Variants in BPIFB6 observed in about 807,000 individuals in gnomAD.
BPIFB6 encodes the protein BPI fold-containing family B member 6.
BPIFB6 carries 47 observed loss-of-function variants against 54.7 expected under a neutral mutation model. That is an observed-to-expected ratio of 0.86 (90% confidence interval 0.68 to 1.10). The LOEUF (loss-of-function observed/expected upper bound fraction) is 1.10. BPIFB6 is among the 50% of genes least tolerant of loss of function. The pLI is 0.00. For missense variants in BPIFB6, 603 were observed against 564.1 expected (o/e 1.07, Z -0.70); for synonymous variants, 255 against 225.9 (o/e 1.13, Z -1.16).
At position 33,042,850 on chromosome 20, in the gene BPIFB6, C is replaced by A; in HGVS notation, c.1224C>A (p.Leu408=). The A allele has an allele frequency of 1.2e-6, 2 of 1,614,174 alleles. No homozygotes were observed. ...TAACTGGCTTCATCACCAGCTATCT[C>A]GAAGAAGCCTACATCCCAGTTGTCA... ...RELTGFITSY[L]EEAYIPVVND... The change falls in exon 13 of 15, where the codon CTC becomes CTA. Residue 408 remains leucine (L), a synonymous_variant. Transcript: ENST00000349552.
chr20:33,037,460 CTT>C lies in BPIFB6; in HGVS notation c.670-100_670-99del, dbSNP rs1979390272. The stretch of plus-strand genomic sequence containing the variant: ...TTAATAAGATTTAATGATTTGCTGA[CTT>C]TGGGTTTGGCTGGAGCCCCATTTGC... On this transcript the variant is annotated intron_variant, in intron 7 of 14. Transcript: ENST00000349552. 4.3e-6 allele frequency: 5 copies of C among 1,176,254 alleles called. No individual in the cohort carries two copies. In the Admixed American group the frequency reaches 7.2e-5, roughly 17 times the overall value. The allele number at this position is 1,176,254 out of a possible 1,614,324, so 72.9% of individuals were successfully genotyped here.
In BPIFB6 at chr20:33,031,693, A is replaced by G. The variant is rs754236988; in HGVS notation, c.46A>G (p.Thr16Ala). The G allele has an allele frequency of 3.7e-6, 6 of 1,614,102 alleles. No individual in the cohort carries two copies. Among genetic ancestry groups the G allele is most frequent in the Non-Finnish European group, 5.1e-6 (6 of 1,180,008 alleles). Residue 16 changes from threonine (T) to alanine (A), a missense_variant, in exon 1 of 15, where the codon ACG becomes GCG. Thr to Ala is a moderately conservative substitution (Grantham distance 58, BLOSUM62 0). Transcript: ENST00000349552. ...GGCACTCTGCAGCCTGCTGACTGGC[A>G]CGCGAGCTGACCCTGGGGCACTGCT... ...CLALCSLLTG[T>A]RADPGALLRL... is the part of the protein sequence containing the mutation.
intron 6 of BPIFB6, 59 bp downstream of exon 6, chr20:33,035,731 T>C (rs1033775944): frequency 3.3e-5 from 50 of 1,533,184 alleles, no homozygotes; most frequent in Non-Finnish European, 4.5e-5. Context: ...TAGATAGACT[T>C]TGATGTCCCA....
chr20:33,042,668 G>C (rs984037833), intron 12 of BPIFB6, 147 bp from the exon 13 acceptor site: 1 of 694,412 alleles, frequency 1.4e-6, no homozygotes, highest in Non-Finnish European at 2.4e-6. Flanking sequence ...CCAAGGCCAG[G>C]CCCAGTTTTG....
Position 33,032,995 on chromosome 20 carries a change from G to GATGA in BPIFB6, c.109_110insATGA (p.Ala37AspfsTer5). ...TGTCTCCACTCCAGAGGTCCAGAGC[G>GATGA]CCATGGATGAGAGTCATATCCTGGA... On this transcript the variant is annotated frameshift_variant, in exon 2 of 15. Transcript: ENST00000349552. LOFTEE classifies it high-confidence loss of function. The GATGA allele has an allele frequency of 1.9e-6, 3 of 1,613,742 alleles. No homozygotes were observed. In the South Asian group the frequency reaches 3.3e-5, roughly 18 times the overall value.
At chr20:33,039,637 T>C in intron 10 of BPIFB6, 117 bp downstream of exon 10, 1 of 1,145,908 alleles carries the variant, frequency 8.7e-7, no homozygotes, top group Non-Finnish European at 1.2e-6. Flanking sequence ...TTAATCTTGA[T>C]TATGTCTGAT....
At chr20:33,035,274 G>A in intron 5 of BPIFB6, 130 bp downstream of exon 5, 1 of 964,798 alleles carries the variant, frequency 1.0e-6, no homozygotes, top group Non-Finnish European at 1.6e-6. Context: ...TGAGACTGTG[G>A]CTGGCTCAGT....
At position 33,034,722 on chromosome 20, in the gene BPIFB6, TGG is replaced by T. The variant is rs767205267; in HGVS notation, c.303-40_303-39del. ...GAGAAGGCAGGGAGAGCGGACACCA[TGG>T]CAGAGATGCCCATGGTGCCCTCCTG... is the stretch of plus-strand genomic sequence containing the variant. On this transcript the variant is annotated intron_variant, in intron 3 of 14. Transcript: ENST00000349552. The T allele has an allele frequency of 1.9e-6, 3 of 1,568,340 alleles. No homozygotes were observed. In the African/African-American group the frequency reaches 4.1e-5, roughly 21 times the overall value.
At chr20:33,033,774 G>T (rs1003115236) in intron 2 of BPIFB6, among the ~76,000 whole-genome samples, 3 of 152,188 alleles carry the variant, frequency 2.0e-5, no homozygotes, top group African/African-American at 7.2e-5. Context: ...CTGGGCTGAG[G>T]TCGGAGATGC....
Position 33,041,973 on chromosome 20 carries a change from A to T in BPIFB6, c.1146A>T (p.Leu382Phe). ...QLQMATSLDR[L>F]LSLSRKSSSI... Reference sequence around the variant, plus strand: ...TTGCTTCCCCACTCCCCCACAGATTACTGAGCTTGTCCCGGAAGTCCTCAT... The same window carrying T: ...TTGCTTCCCCACTCCCCCACAGATTTCTGAGCTTGTCCCGGAAGTCCTCAT... The change falls in exon 12 of 15, where the codon TTA (leucine) becomes TTT (phenylalanine). Residue 382 changes from leucine (L) to phenylalanine (F), a missense_variant. Leu to Phe is a conservative substitution (Grantham distance 22). Coordinates refer to ENST00000349552, the MANE Select transcript of BPIFB6 (RefSeq NM_174897.2). The T allele has an allele frequency of 6.2e-7, 1 of 1,613,910 alleles. No homozygotes were observed. Among genetic ancestry groups the T allele is most frequent in the Non-Finnish European group, 8.5e-7 (1 of 1,179,962 alleles).
chr20:33,040,898 G>T (rs1033868395), intron 11 of BPIFB6, among the ~76,000 whole-genome samples: 2 of 151,616 alleles, frequency 1.3e-5, no homozygotes, highest in Admixed American at 1.3e-4. Flanking sequence ...GATTCTTTCC[G>T]TTGCAAGAGA....
intron 11 of BPIFB6, among the ~76,000 whole-genome samples, chr20:33,040,867 C>T (rs1159013692): frequency 1.3e-5 from 2 of 152,142 alleles, no homozygotes; most frequent in African/African-American, 4.8e-5. Flanking sequence ...TAATGAATCA[C>T]ATCAGGATTA....
intron 7 of BPIFB6, among the ~76,000 whole-genome samples, chr20:33,036,888 C>T (rs557264894): frequency 3.7e-4 from 56 of 152,302 alleles, no homozygotes; most frequent in South Asian, 2.1e-4. Context: ...GGCCACACAG[C>T]AAGACAGCAC....
rs778065117 is a variant in BPIFB6 at position 33,035,035 on chromosome 20, C to CTT, written c.453-46_453-45insTT. ...TTCATGTCCTGTGCCTAAATTCCTG[C>CTT]ACTGGTGCACCTGCCCACCTATCCT... is the stretch of plus-strand genomic sequence containing the variant. On this transcript the variant is annotated intron_variant, in intron 4 of 14. Coordinates refer to ENST00000349552, the MANE Select transcript of BPIFB6 (RefSeq NM_174897.2). 80 of 1,610,846 alleles carry CTT rather than the reference C, an allele frequency of 5.0e-5. 1 individual carries two copies. In the African/African-American group the frequency reaches 1.0e-3, roughly 21 times the overall value.
chr20:33,032,813 T>A (rs8113852), intron 1 of BPIFB6, among the ~76,000 whole-genome samples, 171 bp from the exon 2 acceptor site: 3,215 of 152,276 alleles, frequency 0.021, 108 homozygotes, highest in African/African-American at 0.074. Flanking sequence ...AGCTTGTTAC[T>A]GTCATTGCTG....
chr20:33,033,354 T>A, intron 2 of BPIFB6: 1 of 550,910 alleles, frequency 1.8e-6, no homozygotes, highest in Non-Finnish European at 3.5e-6. Context: ...AAATTTCAAC[T>A]CTGCATGCAA....
In BPIFB6 at chr20:33,033,081, CAAGT is replaced by C. The variant is rs775428708; in HGVS notation, c.196_197+2del. The stretch of plus-strand genomic sequence containing the variant: ...GGATGAAACCTATCAAGGGCATCAC[CAAGT>C]GAGTAGGGGAGGGGAGCTGGAGGGT... On this transcript the variant is annotated splice_donor_variant and coding_sequence_variant, in exon 2 of 15. Transcript: ENST00000349552. LOFTEE classifies it high-confidence loss of function. 1.9e-6 allele frequency: 3 copies of C among 1,611,928 alleles called. 1 individual carries two copies. The highest frequency in any genetic ancestry group is 2.2e-5 in the South Asian group (2 of 91,036).
In BPIFB6 at chr20:33,042,098, C is replaced by G. The variant is rs968386560; in HGVS notation, c.1188+83C>G. ...CCCTCGGAACTACAGGGCCGAGGCC[C>G]TGAAATGGAGGCAGATGAACAGAGC... On this transcript the variant is annotated intron_variant, in intron 12 of 14. Transcript: ENST00000349552. 3.4e-5 allele frequency: 49 copies of G among 1,426,136 alleles called. 1 individual carries two copies. The Middle Eastern group carries it at 5.2e-4, about 15-fold the overall frequency. The allele number at this position is 1,426,136 out of a possible 1,614,324, so 88.3% of individuals were successfully genotyped here.
intron 11 of BPIFB6, among the ~76,000 whole-genome samples, chr20:33,041,222 C>T (rs1979571433): frequency 6.6e-6 from 1 of 152,114 alleles, no homozygotes; most frequent in South Asian, 2.1e-4. Flanking sequence ...ATTTTCTGAC[C>T]TCATGATCCA....
Sources: allele counts gnomAD v4.1 joint callset (sites outside exome capture counted in the v4.1 genomes callset), GRCh38; gene constraint gnomAD v4.1.1; transcripts MANE v1.5; gene names NCBI Gene and HGNC (gene_info 2026-07-23, HGNC 2026-07-21).